SCN10A: variants seen among roughly 807,000 people sequenced by gnomAD.
The protein encoded by SCN10A is sodium voltage-gated channel alpha subunit 10.
Under a neutral mutation model 170.7 loss-of-function variants are expected in SCN10A, and 162 were observed. The ratio of observed to expected loss-of-function variants is 0.95; its 90% CI spans 0.84 to 1.08. The LOEUF (loss-of-function observed/expected upper bound fraction) is 1.08, where lower values mean the gene tolerates loss of function less well. Ranked by LOEUF, SCN10A falls within the 50% of genes least tolerant of loss-of-function variation. SCN10A has a pLI of 0.00. For synonymous variants in SCN10A, 985 were observed against 904.6 expected, an observed-to-expected ratio of 1.09 and a Z score of -1.59; for missense variants, 2,527 against 2,436.9, an observed-to-expected ratio of 1.04 and a Z score of -0.78.
chr3:38,784,761 G>C (rs2064178259), intron 4 of SCN10A, among the ~76,000 whole-genome samples: 1 of 152,106 alleles, frequency 6.6e-6, no homozygotes, highest in African/African-American at 2.4e-5. Flanking sequence ...ATCTCCTTAA[G>C]CTGATAAGCA....
At chr3:38,725,793 C>G (rs1575960531) in intron 17 of SCN10A, among the ~76,000 whole-genome samples, 1 of 152,374 alleles carries the variant, frequency 6.6e-6, no homozygotes, top group East Asian at 1.9e-4. Context: ...GAGTGGCAGA[C>G]AGCTGTCACA....
chr3:38,732,500 G>A (rs1190369479), intron 15 of SCN10A, among the ~76,000 whole-genome samples: 1 of 152,136 alleles, frequency 6.6e-6, no homozygotes, highest in African/African-American at 2.4e-5. Flanking sequence ...AGATTTAGAG[G>A]GTATCACTGC....
rs766751199 is a variant in SCN10A at position 38,742,374 on chromosome 3, T to C, written c.2023A>G (p.Ile675Val). ...GCCATGAAGATGGTGTTCACCACGATGCACAAGGTGATGGTGAGCTCTGCA... is the reference window on the plus strand; with the variant it reads ...GCCATGAAGATGGTGTTCACCACGACGCACAAGGTGATGGTGAGCTCTGCA... ...PFAELTITLC[I>V]VVNTIFMAME... is the part of the protein sequence containing the mutation. The change falls in exon 14 of 28, where the codon ATC (isoleucine) becomes GTC (valine). Residue 675 changes from isoleucine (I) to valine (V), a missense_variant. Coordinates refer to ENST00000449082, the MANE Select transcript of SCN10A (RefSeq NM_006514.4). 1 of 1,614,168 alleles carries C rather than the reference T, an allele frequency of 6.2e-7. No individual in the cohort carries two copies. Among genetic ancestry groups the C allele is most frequent in the South Asian group, 1.1e-5 (1 of 91,080 alleles).
At chr3:38,725,859 T>C (rs2126000461) in intron 17 of SCN10A, among the ~76,000 whole-genome samples, 1 of 152,306 alleles carries the variant, frequency 6.6e-6, no homozygotes, top group Middle Eastern at 3.4e-3. Context: ...TGGCAGCTGA[T>C]AACAGCAGCT....
In SCN10A at chr3:38,739,450, A is replaced by C. The variant is rs1446392144; in HGVS notation, c.2280+65T>G. On this transcript the variant is annotated intron_variant, in intron 15 of 27. Coordinates refer to ENST00000449082, the MANE Select transcript of SCN10A (RefSeq NM_006514.4). ...GGGGGAGCTGGCTGGTGCAGTCCCC[A>C]GAGCACAGTGTCTTCCCTGAATCTG... is the stretch of plus-strand genomic sequence containing the variant. The C allele has an allele frequency of 5.4e-6, 8 of 1,483,284 alleles. No individual in the cohort carries two copies. The Admixed American group carries it at 7.0e-5, about 13-fold the overall frequency. The allele number at this position is 1,483,284 out of a possible 1,614,324, so 91.9% of individuals were successfully genotyped here. A position where few individuals can be genotyped will look rare whatever the true frequency, so the allele number is the denominator to read the frequency against.
chr3:38,742,448 A>G lies in SCN10A; in HGVS notation c.1949T>C (p.Met650Thr), dbSNP rs201698323. 3 of 1,614,190 alleles carry G rather than the reference A, an allele frequency of 1.9e-6. No homozygotes were observed. The highest frequency in any genetic ancestry group is 2.2e-5 in the East Asian group (1 of 44,876). The part of the protein sequence containing the change: ...QKYLIWDCCP[M>T]WVKLKTILFG... ...GAGAATTGTCTTGAGCTTCACCCAC[A>G]TGGGGCAGCAATCCCAGATCAGATA... Residue 650 changes from methionine to threonine, a missense_variant, in exon 14 of 28, where the codon ATG becomes ACG. Physicochemically the swap from Met to Thr is moderately conservative, Grantham distance 81. Transcript: ENST00000449082.
chr3:38,808,550 T>G (rs754494244), intron 1 of SCN10A, among the ~76,000 whole-genome samples: 8 of 152,198 alleles, frequency 5.3e-5, no homozygotes, highest in Non-Finnish European at 8.8e-5. Flanking sequence ...TGTAAGTGTT[T>G]GATAAATATT....
At chr3:38,811,438 G>T (rs1343396630) in intron 1 of SCN10A, among the ~76,000 whole-genome samples, 1 of 139,534 alleles carries the variant, frequency 7.2e-6, no homozygotes, top group Non-Finnish European at 1.5e-5. Context: ...GGGCAACAGA[G>T]TGAGACTCCA....
At chr3:38,725,393 T>A (rs1448438012) in intron 17 of SCN10A, 79 bp from the exon 18 acceptor site, 12 of 1,390,620 alleles carry the variant, frequency 8.6e-6, no homozygotes, top group African/African-American at 1.4e-5. Flanking sequence ...ATCTTGCACA[T>A]CACAGGCTGC....
chr3:38,783,680 T>G (rs1457646545), intron 4 of SCN10A, among the ~76,000 whole-genome samples: 1 of 152,118 alleles, frequency 6.6e-6, no homozygotes, highest in Non-Finnish European at 1.5e-5. Flanking sequence ...GTAGCTGTAA[T>G]CTGGTGTCCA....
At chr3:38,761,058 G>A (rs2063864088) in intron 7 of SCN10A, 134 bp downstream of exon 7, 1 of 725,116 alleles carries the variant, frequency 1.4e-6, no homozygotes, top group East Asian at 2.6e-5. Flanking sequence ...CACAACTCAA[G>A]AGAACCATTT....
intron 14 of SCN10A, among the ~76,000 whole-genome samples, chr3:38,739,967 T>TATA (rs1184301105): frequency 2.6e-4 from 40 of 152,278 alleles, no homozygotes; most frequent in African/African-American, 9.1e-4. Context: ...AGATCATTAT[T>TATA]ATAATATCAT....
intron 1 of SCN10A, among the ~76,000 whole-genome samples, chr3:38,814,373 G>A (rs2064459075): frequency 6.6e-6 from 1 of 152,118 alleles, no homozygotes; most frequent in Admixed American, 6.5e-5. Flanking sequence ...TCTGAGAGAG[G>A]GGGAGCTAAG....
At chr3:38,729,065 A>T (rs1418785006) in intron 15 of SCN10A, among the ~76,000 whole-genome samples, 164 bp from the exon 16 acceptor site, 1 of 152,184 alleles carries the variant, frequency 6.6e-6, no homozygotes, top group African/African-American at 2.4e-5. Flanking sequence ...TTCCTATGCT[A>T]TAAATTACTC....
At position 38,698,026 on chromosome 3, in the gene SCN10A, T is replaced by C; in HGVS notation, c.5194A>G (p.Ser1732Gly). Residue 1732 changes from serine to glycine, a missense_variant, in exon 28 of 28, where the codon AGC becomes GGC. Transcript: ENST00000449082. The part of the protein sequence containing the change: ...LENFNVATEE[S>G]TEPLSEDDFD... ...TCGTCCTCACTCAGGGGCTCAGTGCTCTCCTCCGTGGCCACATTGAAGTTC... is the reference window on the plus strand; with the variant it reads ...TCGTCCTCACTCAGGGGCTCAGTGCCCTCCTCCGTGGCCACATTGAAGTTC... 1.2e-6 allele frequency: 2 copies of C among 1,614,096 alleles called. No individual in the cohort carries two copies. Among genetic ancestry groups the C allele is most frequent in the Admixed American group, 1.7e-5 (1 of 60,014 alleles).
chr3:38,760,505 C>T (rs546974447), intron 8 of SCN10A, among the ~76,000 whole-genome samples, 176 bp downstream of exon 8: 18 of 152,304 alleles, frequency 1.2e-4, no homozygotes, highest in South Asian at 4.2e-4. Context: ...TGTTACACAG[C>T]GAAAGCTAAC....
At chr3:38,751,775 C>T (rs1381994053) in intron 12 of SCN10A, among the ~76,000 whole-genome samples, 1 of 152,208 alleles carries the variant, frequency 6.6e-6, no homozygotes, top group Non-Finnish European at 1.5e-5. Context: ...TACTGTGCTT[C>T]TATTCAGATC....
intron 15 of SCN10A, among the ~76,000 whole-genome samples, chr3:38,738,092 C>T (rs764988719): frequency 3.3e-5 from 5 of 151,808 alleles, no homozygotes; most frequent in Admixed American, 6.6e-5. Flanking sequence ...AGATGTGCAC[C>T]ACCATGCCTG....
At chr3:38,755,353 C>G (rs2063792063) in intron 11 of SCN10A, among the ~76,000 whole-genome samples, 1 of 152,008 alleles carries the variant, frequency 6.6e-6, no homozygotes, top group South Asian at 2.1e-4. Context: ...TCTAGAACTG[C>G]AGACCAGAGC....
Sources: allele counts gnomAD v4.1 joint callset (sites outside exome capture counted in the v4.1 genomes callset), GRCh38; gene constraint gnomAD v4.1.1; transcripts MANE v1.5; gene names NCBI Gene and HGNC (gene_info 2026-07-23, HGNC 2026-07-21).